Variants in LUZP2 observed in about 807,000 individuals in gnomAD.
LUZP2 encodes the protein leucine zipper protein 2.
A neutral mutation model predicts 51.6 loss-of-function variants in LUZP2; 52 were observed. The ratio of observed to expected loss-of-function variants is 1.01; its 90% CI spans 0.81 to 1.27. The LOEUF (loss-of-function observed/expected upper bound fraction) is 1.27. LUZP2 is among the 50% of genes most tolerant of loss of function. The pLI is 0.00. For missense variants in LUZP2, 436 were observed against 395.4 expected (o/e 1.10, Z -0.87); for synonymous variants, 154 against 137.3 (o/e 1.12, Z -0.85).
intron 9 of LUZP2, among the ~76,000 whole-genome samples, chr11:24,987,805 G>C (rs1213534222): frequency 6.6e-6 from 1 of 151,784 alleles, no homozygotes; most frequent in Admixed American, 6.6e-5. Context: ...TTACAAAGTA[G>C]TTTTTTAAGA....
At chr11:24,549,542 T>C (rs968457528) in intron 1 of LUZP2, among the ~76,000 whole-genome samples, 4 of 152,120 alleles carry the variant, frequency 2.6e-5, no homozygotes, top group Non-Finnish European at 4.4e-5. Flanking sequence ...AAGTGTTATG[T>C]ACTATACATA....
At chr11:24,894,891 C>G (rs1055950405) in intron 5 of LUZP2, among the ~76,000 whole-genome samples, 1 of 152,114 alleles carries the variant, frequency 6.6e-6, no homozygotes, top group Non-Finnish European at 1.5e-5. Context: ...AGCAAACAGT[C>G]ACTACAATCA....
At chr11:24,511,927 C>G (rs537992321) in intron 1 of LUZP2, among the ~76,000 whole-genome samples, 1 of 151,914 alleles carries the variant, frequency 6.6e-6, no homozygotes, top group South Asian at 2.1e-4. Context: ...ATAATATGCA[C>G]TAGTATCCAC....
At chr11:24,692,606 T>A (rs1590355188) in intron 1 of LUZP2, among the ~76,000 whole-genome samples, 1 of 152,090 alleles carries the variant, frequency 6.6e-6, no homozygotes, top group Admixed American at 6.6e-5. Flanking sequence ...TTTAGTGGCA[T>A]TATTTTACAT....
intron 10 of LUZP2, among the ~76,000 whole-genome samples, chr11:25,062,342 T>C (rs924909507): frequency 3.2e-4 from 49 of 151,380 alleles, no homozygotes; most frequent in African/African-American, 1.1e-3. Context: ...CCCAGCACTC[T>C]GGGAGGCCGA....
chr11:25,048,327 A>G (rs910818199), intron 9 of LUZP2, among the ~76,000 whole-genome samples: 5 of 152,108 alleles, frequency 3.3e-5, no homozygotes, highest in Admixed American at 6.6e-5. Flanking sequence ...ACCCACTTCA[A>G]AAATAACCCT....
Position 24,740,047 on chromosome 11 carries a change from G to A in LUZP2, c.333+1745G>A, listed in dbSNP as rs192730466. 6.6e-5 allele frequency among the ~76,000 whole-genome samples: 10 copies of A among 152,172 alleles called. No homozygotes were observed. In the East Asian group the frequency reaches 1.2e-3, roughly 18 times the overall value. ...TCCTAATTGCAATCACATTTCTGCC[G>A]TGACTAATCATATTTAATCTGAGTT... On this transcript the variant is annotated intron_variant, in intron 4 of 11. Transcript: ENST00000336930.
At chr11:24,883,599 C>T (rs1236605001) in intron 5 of LUZP2, among the ~76,000 whole-genome samples, 1 of 152,024 alleles carries the variant, frequency 6.6e-6, no homozygotes, top group Non-Finnish European at 1.5e-5. Flanking sequence ...ACATTTCTCA[C>T]TACAGTCAAT....
At chr11:24,858,271 T>C (rs767628127) in intron 5 of LUZP2, among the ~76,000 whole-genome samples, 1 of 152,190 alleles carries the variant, frequency 6.6e-6, no homozygotes, top group Non-Finnish European at 1.5e-5. Context: ...CTAAGCCTTG[T>C]TCTCATTACA....
At chr11:24,810,628 A>G (rs571344489) in intron 5 of LUZP2, among the ~76,000 whole-genome samples, 5 of 152,300 alleles carry the variant, frequency 3.3e-5, no homozygotes, top group African/African-American at 4.8e-5. Flanking sequence ...AAGATACACA[A>G]GTAAGATAGG....
intron 5 of LUZP2, among the ~76,000 whole-genome samples, chr11:24,899,548 A>G (rs893821624): frequency 1.3e-5 from 2 of 152,156 alleles, no homozygotes; most frequent in African/African-American, 2.4e-5. Flanking sequence ...ATTATACTTG[A>G]CAATTATTTA....
At chr11:24,739,933 AT>A (rs1455571812) in intron 4 of LUZP2, among the ~76,000 whole-genome samples, 10 of 152,102 alleles carry the variant, frequency 6.6e-5, no homozygotes, top group Non-Finnish European at 1.5e-4. Context: ...GGCTCACTGG[AT>A]ACCAAATGTT....
intron 1 of LUZP2, among the ~76,000 whole-genome samples, chr11:24,640,623 G>A (rs751398366): frequency 2.4e-4 from 36 of 151,700 alleles, no homozygotes; most frequent in Non-Finnish European, 4.9e-4. Context: ...GAAAAATATC[G>A]TGTTATTTGT....
At chr11:24,817,449 G>A (rs1224643161) in intron 5 of LUZP2, among the ~76,000 whole-genome samples, 1 of 151,978 alleles carries the variant, frequency 6.6e-6, no homozygotes, top group Non-Finnish European at 1.5e-5. Flanking sequence ...CAAATGAGGA[G>A]CAGTCTCAGA....
Position 24,618,974 on chromosome 11 carries a change from G to A in LUZP2, c.63-110195G>A, listed in dbSNP as rs1854393705. On this transcript the variant is annotated intron_variant, in intron 1 of 11. Coordinates refer to ENST00000336930, the MANE Select transcript of LUZP2 (RefSeq NM_001009909.4). ...CACTATATTACTGAAAAATTCTTAT[G>A]TATTTATTTTTGTAATTCTAACCAC... is the stretch of plus-strand genomic sequence containing the variant. Among the ~76,000 whole-genome samples the A allele has an allele frequency of 2.0e-5, 3 of 151,764 alleles. No individual in the cohort carries two copies. The South Asian group carries it at 6.2e-4, about 32-fold the overall frequency.
chr11:24,917,811 A>G (rs962282397), intron 7 of LUZP2, among the ~76,000 whole-genome samples: 252 of 152,134 alleles, frequency 1.7e-3, no homozygotes, highest in African/African-American at 5.8e-3. Flanking sequence ...TTGACTTGGC[A>G]ATGCGGGCTC....
intron 1 of LUZP2, among the ~76,000 whole-genome samples, chr11:24,681,463 GCTC>G (rs1242932796): frequency 6.6e-6 from 1 of 152,072 alleles, no homozygotes; most frequent in Non-Finnish European, 1.5e-5. Context: ...CACCCTTATG[GCTC>G]CTATAGTTTC....
intron 5 of LUZP2, among the ~76,000 whole-genome samples, chr11:24,842,652 A>G (rs1335183395): frequency 6.6e-6 from 1 of 152,002 alleles, no homozygotes; most frequent in Non-Finnish European, 1.5e-5. Flanking sequence ...TTTGGCTTAG[A>G]CGCAAATACT....
intron 5 of LUZP2, among the ~76,000 whole-genome samples, chr11:24,803,440 T>C (rs1849753774): frequency 6.6e-6 from 1 of 152,118 alleles, no homozygotes; most frequent in African/African-American, 2.4e-5. Context: ...TCTAAAGTGG[T>C]ACAGCTGCTG....
Sources: gnomAD v4.1 joint callset for allele counts (sites outside exome capture counted in the v4.1 genomes callset) on GRCh38, gnomAD v4.1.1 for gene constraint, MANE v1.5 for transcripts, NCBI Gene and HGNC (gene_info 2026-07-23, HGNC 2026-07-21) for gene names.